The following BCAS3 variants were observed in gnomAD, a reference collection of about 807,000 sequenced individuals.
The protein encoded by BCAS3 is BCAS3 microtubule associated cell migration factor.
BCAS3 carries 53 observed loss-of-function variants against 116.1 expected under a neutral mutation model. The observed-to-expected ratio is 0.46, with a 90% confidence interval of 0.37 to 0.57. The LOEUF is 0.57. Ranked by LOEUF, BCAS3 falls within the 20% of genes least tolerant of loss-of-function variation. The pLI, the probability that BCAS3 is intolerant of heterozygous loss-of-function variation, is 0.00. For missense variants in BCAS3, 917 were observed against 1,165.4 expected (o/e 0.79, Z 3.10); for synonymous variants, 391 against 408.2 (o/e 0.96, Z 0.51).
intron 7 of BCAS3, among the ~76,000 whole-genome samples, chr17:60,833,490 A>G (rs1193022034): frequency 6.6e-6 from 1 of 152,148 alleles, no homozygotes; most frequent in African/African-American, 2.4e-5. Context: ...TGTGTCAGAA[A>G]CTCACAGTTG....
chr17:60,785,092 C>A lies in BCAS3; in HGVS notation c.404-22912C>A, dbSNP rs2046172484. ...CCAGCCTGGGCAACAGAGCGAGACT[C>A]CGTCTCAAAAAAAAAGTATCTAGCA... On this transcript the variant is annotated intron_variant, in intron 6 of 23. Transcript: ENST00000407086. Among the ~76,000 whole-genome samples the A allele has an allele frequency of 2.6e-5, 4 of 152,034 alleles. 1 individual carries two copies. Among genetic ancestry groups the A allele is most frequent in the Non-Finnish European group, 5.9e-5 (4 of 67,982 alleles).
At chr17:60,688,965 A>G (rs1267347040) in intron 3 of BCAS3, 1 of 152,140 alleles carries the variant, frequency 6.6e-6, no homozygotes, top group African/African-American at 2.4e-5. Context: ...TTGGGTCTAG[A>G]AGCTTGATAA....
At chr17:61,009,094 C>G (rs751427256) in intron 15 of BCAS3, among the ~76,000 whole-genome samples, 8 of 151,930 alleles carry the variant, frequency 5.3e-5, no homozygotes, top group Non-Finnish European at 1.2e-4. Flanking sequence ...AGGAAGGTGT[C>G]TATTGTAAAC....
intron 7 of BCAS3, among the ~76,000 whole-genome samples, chr17:60,843,031 C>A (rs1201104583): frequency 6.6e-6 from 1 of 151,726 alleles, no homozygotes; most frequent in East Asian, 1.9e-4. Context: ...AACACCACAC[C>A]CAGCTAATTT....
intron 22 of BCAS3, among the ~76,000 whole-genome samples, chr17:61,350,157 A>G (rs1407634160): frequency 2.0e-5 from 3 of 152,034 alleles, no homozygotes; most frequent in Admixed American, 6.5e-5. Flanking sequence ...GCTGGGTGCC[A>G]TGGCTCATGG....
intron 6 of BCAS3, among the ~76,000 whole-genome samples, chr17:60,802,385 T>C (rs2047894983): frequency 6.7e-6 from 1 of 149,936 alleles, no homozygotes; most frequent in Non-Finnish European, 1.5e-5. Flanking sequence ...TATATATATA[T>C]ATATCCCCTT....
intron 13 of BCAS3, among the ~76,000 whole-genome samples, chr17:60,934,451 C>T (rs945405411): frequency 2.6e-5 from 4 of 152,140 alleles, no homozygotes; most frequent in African/African-American, 9.7e-5. Context: ...TAAATACTTA[C>T]AATAATATAA....
chr17:60,924,122 A>T (rs1427638368), intron 12 of BCAS3, among the ~76,000 whole-genome samples: 3 of 151,922 alleles, frequency 2.0e-5, no homozygotes, highest in Non-Finnish European at 4.4e-5. Context: ...TGATTGTATC[A>T]TTTTTTTTCC....
intron 7 of BCAS3, chr17:60,811,325 G>A: frequency 1.4e-6 from 1 of 706,888 alleles, no homozygotes; most frequent in Non-Finnish European, 2.5e-6. Context: ...CCTGCTGGAA[G>A]ATGGTGAGGA....
chr17:60,947,419 T>A (rs1485864528), intron 14 of BCAS3, 67 bp downstream of exon 14: 1 of 1,446,194 alleles, frequency 6.9e-7, no homozygotes, highest in Non-Finnish European at 9.5e-7. Context: ...AGCTGGTCAT[T>A]TATATTACAT....
In BCAS3 at chr17:61,324,077, G is replaced by A. The variant is rs2055532452; in HGVS notation, c.2426-44250G>A. The stretch of plus-strand genomic sequence containing the variant: ...TCCTCTGTGTTCTCAGTGTGCTCTT[G>A]TAACCCTCTGCTAGATCACTTAGCA... On this transcript the variant is annotated intron_variant, in intron 22 of 23. Coordinates refer to ENST00000407086, the MANE Select transcript of BCAS3 (RefSeq NM_017679.5). This position sits in a 1 kb window ranked among gnomAD's most constrained non-coding sequence, Gnocchi z 4.6. Among the ~76,000 whole-genome samples the A allele has an allele frequency of 6.6e-6, 1 of 152,170 alleles. No homozygotes were observed. Among genetic ancestry groups the A allele is most frequent in the Admixed American group, 6.5e-5 (1 of 15,278 alleles).
In BCAS3 at chr17:61,226,825, G is replaced by GT. The variant is rs1334781972; in HGVS notation, c.2426-141501dup. ...ATTGCTGTTACTGTATCACATTTAC[G>GT]TATTAGGGAACTGAGCTTCAGAGAG... is the stretch of plus-strand genomic sequence containing the variant. On this transcript the variant is annotated intron_variant, in intron 22 of 23. Transcript: ENST00000407086. The surrounding 1 kb of genome is among the most constrained non-coding windows in gnomAD (Gnocchi z 6.0). Among the ~76,000 whole-genome samples, 1 of 152,146 alleles carries GT rather than the reference G, an allele frequency of 6.6e-6. No individual in the cohort carries two copies. The highest frequency in any genetic ancestry group is 1.9e-4 in the East Asian group (1 of 5,184).
At chr17:60,851,550 C>T (rs1425029525) in intron 7 of BCAS3, 6 of 613,514 alleles carry the variant, frequency 9.8e-6, no homozygotes, top group Admixed American at 2.4e-5. Flanking sequence ...ATGTTCTTCA[C>T]GGGGTGAATA....
intron 7 of BCAS3, among the ~76,000 whole-genome samples, chr17:60,865,465 G>A (rs2054513195): frequency 6.6e-6 from 1 of 152,080 alleles, no homozygotes; most frequent in Admixed American, 6.6e-5. Flanking sequence ...TATTTTATCT[G>A]CATGTTATAG....
At position 61,316,794 on chromosome 17, in the gene BCAS3, C is replaced by T. The variant is rs187283095; in HGVS notation, c.2426-51533C>T. On this transcript the variant is annotated intron_variant, in intron 22 of 23. Transcript: ENST00000407086. This position sits in a 1 kb window ranked among gnomAD's most constrained non-coding sequence, Gnocchi z 5.8. Reference sequence around the variant, plus strand: ...ACTGTATGTGCTGTGCTAGATTCCTCGGGGTCATGTACAATAATTCCTGCC... The same window carrying T: ...ACTGTATGTGCTGTGCTAGATTCCTTGGGGTCATGTACAATAATTCCTGCC... 2.6e-4 allele frequency among the ~76,000 whole-genome samples: 39 copies of T among 152,302 alleles called. No homozygotes were observed. The highest frequency in any genetic ancestry group is 2.2e-3 in the Admixed American group (34 of 15,300).
chr17:61,372,547 C>G (rs944947835), intron 23 of BCAS3, among the ~76,000 whole-genome samples: 2 of 152,132 alleles, frequency 1.3e-5, no homozygotes, highest in Non-Finnish European at 2.9e-5. Flanking sequence ...TCTCTTCGGG[C>G]CCTTTCCTTC....
chr17:60,767,129 TC>T (rs2044185513), intron 6 of BCAS3, among the ~76,000 whole-genome samples: 1 of 152,018 alleles, frequency 6.6e-6, no homozygotes, highest in Non-Finnish European at 1.5e-5. Context: ...CTAGGAAAAA[TC>T]CCCCGACCCT....
At position 61,222,970 on chromosome 17, in the gene BCAS3, C is replaced by T. The variant is rs2082187964; in HGVS notation, c.2425+138406C>T. On this transcript the variant is annotated intron_variant, in intron 22 of 23. Coordinates refer to ENST00000407086, the MANE Select transcript of BCAS3 (RefSeq NM_017679.5). The surrounding 1 kb of genome is among the most constrained non-coding windows in gnomAD (Gnocchi z 6.1). Reference sequence around the variant, plus strand: ...CTTTCAGTGATAGCATCCTGCCTGCCACACTGGGCTTTTCTCCTTTTCCAG... The same window carrying T: ...CTTTCAGTGATAGCATCCTGCCTGCTACACTGGGCTTTTCTCCTTTTCCAG... Among the ~76,000 whole-genome samples the T allele has an allele frequency of 6.6e-6, 1 of 152,138 alleles. No homozygotes were observed. Among genetic ancestry groups the T allele is most frequent in the Admixed American group, 6.6e-5 (1 of 15,262 alleles).
intron 7 of BCAS3, among the ~76,000 whole-genome samples, chr17:60,830,363 T>C (rs1385038826): frequency 2.6e-5 from 4 of 152,202 alleles, no homozygotes; most frequent in Non-Finnish European, 5.9e-5. Context: ...ACGTGATGGT[T>C]GCACAAGTAT....
Sources: allele counts gnomAD v4.1 joint callset (sites outside exome capture counted in the v4.1 genomes callset), GRCh38; gene constraint gnomAD v4.1.1; non-coding constraint Gnocchi (gnomAD v3.1); transcripts MANE v1.5; gene names NCBI Gene and HGNC (gene_info 2026-07-23, HGNC 2026-07-21).